The following CCDC3 variants were observed in gnomAD, a reference collection of about 807,000 sequenced individuals.
CCDC3 encodes coiled-coil domain-containing protein 3.
Under a neutral mutation model 21.4 loss-of-function variants are expected in CCDC3, and 24 were observed. That is an observed-to-expected ratio of 1.12 (90% CI 0.81 to 1.58). CCDC3 has a LOEUF of 1.58. Among genes scored for constraint, CCDC3 ranks in the 40% most tolerant of loss-of-function variants. CCDC3 has a pLI of 0.00. For missense variants in CCDC3, 425 were observed against 360.9 expected (o/e 1.18, Z -1.44); for synonymous variants, 186 against 166.0 (o/e 1.12, Z -0.93).
At chr10:12,982,515 C>T (rs926459796) in intron 2 of CCDC3, among the ~76,000 whole-genome samples, 2 of 151,792 alleles carry the variant, frequency 1.3e-5, no homozygotes, top group African/African-American at 4.8e-5. Context: ...AAAAATCGGC[C>T]GGGTGCAGTG....
At chr10:12,984,256 G>T (rs12263232) in intron 2 of CCDC3, among the ~76,000 whole-genome samples, 1 of 152,132 alleles carries the variant, frequency 6.6e-6, no homozygotes, top group Admixed American at 6.5e-5. Context: ...TTGAATAGAC[G>T]TTTCTCCCAA....
chr10:13,091,491 C>T (rs1277154883), intron 3 of CCDC3, among the ~76,000 whole-genome samples: 1 of 152,268 alleles, frequency 6.6e-6, no homozygotes, highest in Non-Finnish European at 1.5e-5. Flanking sequence ...GACTTCCCAG[C>T]CTCCAGAACT....
chr10:13,089,491 C>T (rs894120914), intron 3 of CCDC3, among the ~76,000 whole-genome samples: 4 of 152,168 alleles, frequency 2.6e-5, no homozygotes, highest in African/African-American at 9.6e-5. Flanking sequence ...TGGCCCCGGA[C>T]ACCTTCAATG....
At chr10:13,044,604 C>T (rs985598510) in intron 5 of CCDC3, among the ~76,000 whole-genome samples, 1 of 152,150 alleles carries the variant, frequency 6.6e-6, no homozygotes, top group Admixed American at 6.5e-5. Flanking sequence ...AATAGGGAGT[C>T]CTTTCCCCAT....
intron 2 of CCDC3, among the ~76,000 whole-genome samples, chr10:12,959,338 TTG>T (rs1272335831): frequency 6.6e-6 from 1 of 152,050 alleles, no homozygotes; most frequent in Non-Finnish European, 1.5e-5. Flanking sequence ...CAGCTAATTT[TTG>T]TGTTTTTAGT....
At chr10:12,960,010 C>A (rs1835154244) in intron 2 of CCDC3, among the ~76,000 whole-genome samples, 1 of 152,130 alleles carries the variant, frequency 6.6e-6, no homozygotes, top group Non-Finnish European at 1.5e-5. Flanking sequence ...AAAAATTAGC[C>A]AGGCGTGGTC....
chr10:13,043,476 G>A (rs1008693402), intron 5 of CCDC3, among the ~76,000 whole-genome samples: 15 of 151,948 alleles, frequency 9.9e-5, no homozygotes, highest in African/African-American at 1.7e-4. Flanking sequence ...GCCTGTAGTC[G>A]CAGCTACTCG....
intron 2 of CCDC3, among the ~76,000 whole-genome samples, chr10:12,925,223 A>G (rs1253039068): frequency 2.0e-5 from 3 of 152,084 alleles, no homozygotes; most frequent in Admixed American, 2.0e-4. Flanking sequence ...TGGGGTCTGG[A>G]GAGAGGAATA....
At chr10:13,030,409 A>C (rs1047058753) in intron 5 of CCDC3, among the ~76,000 whole-genome samples, 1 of 152,166 alleles carries the variant, frequency 6.6e-6, no homozygotes, top group African/African-American at 2.4e-5. Flanking sequence ...AAAGACCATC[A>C]ATGCTAGGAA....
rs1377171050 is a variant in CCDC3 at position 12,983,128 on chromosome 10, GTGTATATATATA to G, written c.549+15198_549+15209del. ...AAAAAATAAATAAATAAATAAAATA[GTGTATATATATA>G]TATATATATATATATATATATATAT... On this transcript the variant is annotated intron_variant, in intron 2 of 2. Coordinates refer to ENST00000378825, the MANE Select transcript of CCDC3 (RefSeq NM_031455.4). Among the ~76,000 whole-genome samples, 405 of 117,838 alleles carry G rather than the reference GTGTATATATATA, an allele frequency of 3.4e-3. 16 individuals carry two copies. Among genetic ancestry groups the G allele is most frequent in the Middle Eastern group, 8.8e-3 (2 of 228 alleles). 77.3% of individuals were successfully genotyped at this position (117,838 alleles called of 152,430 possible).
chr10:13,031,160 G>A (rs1836295398), intron 5 of CCDC3, among the ~76,000 whole-genome samples: 1 of 152,198 alleles, frequency 6.6e-6, no homozygotes, highest in Non-Finnish European at 1.5e-5. Context: ...AGACCACAGT[G>A]CAATCAAACT....
intron 3 of CCDC3, among the ~76,000 whole-genome samples, chr10:13,092,950 G>T (rs928877630): frequency 2.0e-5 from 3 of 151,992 alleles, no homozygotes; most frequent in Non-Finnish European, 4.4e-5. Flanking sequence ...ACTTTTCGTG[G>T]GTATAAAAGG....
chr10:12,908,783 G>C (rs12764902), intron 2 of CCDC3, among the ~76,000 whole-genome samples: 29,286 of 151,944 alleles, frequency 0.19, 3,060 homozygotes, highest in Middle Eastern at 0.27. Flanking sequence ...AGCAGAGACA[G>C]GGTTTCACTG....
Position 13,001,371 on chromosome 10 carries a change from T to C in CCDC3, c.200A>G (p.His67Arg). 1 of 1,593,196 alleles carries C rather than the reference T, an allele frequency of 6.3e-7. No individual in the cohort carries two copies. Among genetic ancestry groups the C allele is most frequent in the Non-Finnish European group, 8.5e-7 (1 of 1,171,144 alleles). ...GTAGAAGAGGCCCCCCTGGCCGGCG[T>C]GGTACTGCCAGGGCAGGTGGTTGTA... ...GLYNHLPWQY[H>R]AGQGGLFYSA... The change falls in exon 1 of 3, where the codon CAC becomes CGC. Residue 67 changes from histidine to arginine, a missense_variant. Physicochemically the swap from His to Arg is conservative, Grantham distance 29. Coordinates refer to ENST00000378825, the MANE Select transcript of CCDC3 (RefSeq NM_031455.4).
intron 2 of CCDC3, among the ~76,000 whole-genome samples, chr10:12,984,140 T>C (rs1440614173): frequency 1.3e-5 from 2 of 151,814 alleles, no homozygotes; most frequent in Non-Finnish European, 2.9e-5. Flanking sequence ...TGGGAGAAAA[T>C]GTGTACAAAT....
chr10:12,996,170 C>T (rs7895924), intron 2 of CCDC3, among the ~76,000 whole-genome samples: 11,515 of 152,134 alleles, frequency 0.076, 556 homozygotes, highest in East Asian at 0.16. Context: ...ATGGAGTAGG[C>T]AACAGTAATG....
chr10:12,992,927 T>C (rs1165794218), intron 2 of CCDC3, among the ~76,000 whole-genome samples: 1 of 152,196 alleles, frequency 6.6e-6, no homozygotes, highest in Non-Finnish European at 1.5e-5. Flanking sequence ...CACGTGAGTG[T>C]GTTATCTGTT....
At chr10:13,089,630 C>CT (rs1837154600) in intron 3 of CCDC3, among the ~76,000 whole-genome samples, 1 of 151,974 alleles carries the variant, frequency 6.6e-6, no homozygotes, top group Non-Finnish European at 1.5e-5. Context: ...AGCACCCCCC[C>CT]TTAAATTGGA....
chr10:12,991,945 C>T (rs1835688255), intron 2 of CCDC3, among the ~76,000 whole-genome samples: 1 of 151,892 alleles, frequency 6.6e-6, no homozygotes, highest in Non-Finnish European at 1.5e-5. Flanking sequence ...CCAGTCTAGC[C>T]CTCAGGCCAT....
Sources: allele counts gnomAD v4.1 joint callset (sites outside exome capture counted in the v4.1 genomes callset), GRCh38; gene constraint gnomAD v4.1.1; transcripts MANE v1.5; gene names NCBI Gene and HGNC (gene_info 2026-07-23, HGNC 2026-07-21).